The following SKI variants were observed in gnomAD, a reference collection of about 807,000 sequenced individuals.
The protein encoded by SKI is SKI proto-oncogene.
Under a neutral mutation model 59.3 loss-of-function variants are expected in SKI, and 23 were observed. That is an observed-to-expected ratio of 0.39 (90% confidence interval 0.28 to 0.55). The LOEUF (loss-of-function observed/expected upper bound fraction) is 0.55, where lower values mean the gene tolerates loss of function less well. Ranked by LOEUF, SKI falls within the 20% of genes least tolerant of loss-of-function variation. SKI has a pLI of 0.67. For missense variants in SKI, 1,017 were observed against 1,038.9 expected, an observed-to-expected ratio of 0.98 and a Z score of 0.29; for synonymous variants, 673 against 488.6, an observed-to-expected ratio of 1.38 and a Z score of -4.98.
At chr1:2,275,385 G>T (rs370099995) in intron 1 of SKI, among the ~76,000 whole-genome samples, 1 of 152,256 alleles carries the variant, frequency 6.6e-6, no homozygotes, top group Non-Finnish European at 1.5e-5. Flanking sequence ...CAGCCTCTGG[G>T]GGCTTTTTAG....
intron 1 of SKI, among the ~76,000 whole-genome samples, chr1:2,272,729 T>C (rs1263883426): frequency 6.6e-6 from 1 of 152,162 alleles, no homozygotes; most frequent in Non-Finnish European, 1.5e-5. Flanking sequence ...GAGGCCTTAG[T>C]GTTCTGTCAA....
At chr1:2,304,231 TCC>T (rs1215681315) in intron 4 of SKI, 60 bp from the exon 5 acceptor site, 56 of 1,553,654 alleles carry the variant, frequency 3.6e-5, no homozygotes, top group Admixed American at 2.7e-4. Context: ...GCGGCGCGTC[TCC>T]CTGGTGTGGA....
rs1640657989 is a variant in SKI, at chr1:2,308,545, G to A, written c.*1780G>A. 1 of 152,198 alleles carries A rather than the reference G, an allele frequency of 6.6e-6. No individual in the cohort carries two copies. The highest frequency in any genetic ancestry group is 2.4e-5 in the African/African-American group (1 of 41,452). The allele number at this position is 152,198 out of a possible 1,614,324, so 9.4% of individuals were successfully genotyped here. A position where few individuals can be genotyped will look rare whatever the true frequency, so the allele number is the denominator to read the frequency against. ...GGGCATTATTACCGTGTCTTGTAAA[G>A]GGTCGGTTTTGTTATGCAACATGCA... On this transcript the variant is annotated 3_prime_UTR_variant, in exon 7 of 7. Coordinates refer to ENST00000378536, the MANE Select transcript of SKI (RefSeq NM_003036.4).
rs1275274839 is a variant in SKI, at chr1:2,231,946, CCCCTTAAGT to C, written c.969+2213_969+2221del. Among the ~76,000 whole-genome samples the C allele has an allele frequency of 3.3e-5, 5 of 152,210 alleles. No homozygotes were observed. The East Asian group carries it at 7.7e-4, about 23-fold the overall frequency. On this transcript the variant is annotated intron_variant, in intron 1 of 6. Transcript: ENST00000378536. ...ACTTGGGAGTTCTGGGCTTCAGGGT[CCCCTTAAGT>C]CTCCTCAGGACAGCCGTGTGCGTGT...
rs1005995516 is a variant in SKI, at chr1:2,250,823, G to A, written c.969+21088G>A. On this transcript the variant is annotated intron_variant, in intron 1 of 6. Coordinates refer to ENST00000378536, the MANE Select transcript of SKI (RefSeq NM_003036.4). ...CTGACTCTTCTCTTGGGCCTGCCTCGTTGCCCTAGGCAGCTGGCTGCGCGT... is the reference window on the plus strand; with the variant it reads ...CTGACTCTTCTCTTGGGCCTGCCTCATTGCCCTAGGCAGCTGGCTGCGCGT... Among the ~76,000 whole-genome samples the A allele has an allele frequency of 1.6e-4, 24 of 152,362 alleles. 1 individual carries two copies. The highest frequency in any genetic ancestry group is 4.1e-4 in the African/African-American group (17 of 41,584).
chr1:2,278,909 A>AC (rs1243116240), intron 1 of SKI, among the ~76,000 whole-genome samples: 13 of 151,326 alleles, frequency 8.6e-5, no homozygotes, highest in Admixed American at 2.6e-4. Flanking sequence ...GTGCTTGCGC[A>AC]CCCCCCCATC....
At chr1:2,305,350 C>T (rs951849099) in intron 5 of SKI, among the ~76,000 whole-genome samples, 8 of 152,200 alleles carry the variant, frequency 5.3e-5, no homozygotes, top group African/African-American at 1.4e-4. Flanking sequence ...CACACCTCGG[C>T]GGCGTCTGGC....
At chr1:2,253,692 A>T (rs1416810807) in intron 1 of SKI, among the ~76,000 whole-genome samples, 1 of 152,136 alleles carries the variant, frequency 6.6e-6, no homozygotes, top group African/African-American at 2.4e-5. Flanking sequence ...GAGCAGATGG[A>T]GGATGGAGCT....
chr1:2,260,511 C>CCAAT (rs1193735847), intron 1 of SKI, among the ~76,000 whole-genome samples: 3 of 131,990 alleles, frequency 2.3e-5, no homozygotes, highest in African/African-American at 9.0e-5. Flanking sequence ...TTTATGGGAT[C>CCAAT]CAATTTTTCA....
chr1:2,263,149 C>T (rs1241257907), intron 1 of SKI, among the ~76,000 whole-genome samples: 5 of 152,074 alleles, frequency 3.3e-5, no homozygotes, highest in Non-Finnish European at 5.9e-5. Flanking sequence ...GATCTGTCTG[C>T]CTCGGCCTCC....
chr1:2,254,758 G>C (rs2100829019), intron 1 of SKI, among the ~76,000 whole-genome samples: 1 of 152,246 alleles, frequency 6.6e-6, no homozygotes, highest in Middle Eastern at 3.4e-3. Flanking sequence ...GTGATGCGCA[G>C]GGCATTTGCT....
Position 2,303,660 on chromosome 1 carries a change from C to A in SKI, c.1212-180C>A. ...TGTGTTGGCCTGTGTCTGGCCTTCG[C>A]AAGAGACCCAGCAAGCAGAAAACGC... On this transcript the variant is annotated intron_variant, in intron 3 of 6. Coordinates refer to ENST00000378536, the MANE Select transcript of SKI (RefSeq NM_003036.4). The surrounding 1 kb of genome is among the most constrained non-coding windows in gnomAD (Gnocchi z 5.6). 1 of 888,474 alleles carries A rather than the reference C, an allele frequency of 1.1e-6. No homozygotes were observed. The highest frequency in any genetic ancestry group is 2.3e-5 in the Admixed American group (1 of 43,558). The allele number at this position is 888,474 out of a possible 1,614,324, so 55.0% of individuals were successfully genotyped here.
intron 1 of SKI, among the ~76,000 whole-genome samples, chr1:2,247,144 G>C (rs1292829471): frequency 6.6e-6 from 1 of 152,228 alleles, no homozygotes; most frequent in Non-Finnish European, 1.5e-5. Context: ...ACTTGAACCT[G>C]GGAGTCGGAG....
chr1:2,249,575 A>G (rs1329457636), intron 1 of SKI, among the ~76,000 whole-genome samples: 1 of 152,206 alleles, frequency 6.6e-6, no homozygotes, highest in Non-Finnish European at 1.5e-5. Context: ...GTTTCTGGAA[A>G]TGAGAGCAAG....
chr1:2,242,559 A>G (rs925262157), intron 1 of SKI, among the ~76,000 whole-genome samples: 1 of 152,164 alleles, frequency 6.6e-6, no homozygotes, highest in African/African-American at 2.4e-5. Flanking sequence ...TCGCTCTGTC[A>G]TCTGTGTTGG....
Position 2,268,262 on chromosome 1 carries a change from A to G in SKI, c.970-34716A>G, listed in dbSNP as rs1314797584. Among the ~76,000 whole-genome samples the G allele has an allele frequency of 6.6e-6, 1 of 151,956 alleles. No homozygotes were observed. The highest frequency in any genetic ancestry group is 1.5e-5 in the Non-Finnish European group (1 of 67,956). On this transcript the variant is annotated intron_variant, in intron 1 of 6. Coordinates refer to ENST00000378536, the MANE Select transcript of SKI (RefSeq NM_003036.4). The surrounding 1 kb of genome is among the most constrained non-coding windows in gnomAD (Gnocchi z 5.0). ...CTACTGTGTGCTTTCTTGCCCCTCC[A>G]GTGCCTCCCAGGGGGCTGTGTAGCC...
chr1:2,229,642 G>C lies in SKI; in HGVS notation c.876G>C (p.Thr292=), dbSNP rs746196973. 3 of 1,612,306 alleles carry C rather than the reference G, an allele frequency of 1.9e-6. No individual in the cohort carries two copies. The South Asian group carries it at 3.3e-5, about 18-fold the overall frequency. The change falls in exon 1 of 7, where the codon ACG becomes ACC. Residue 292 remains threonine, a synonymous_variant. Transcript: ENST00000378536. The surrounding 1 kb of genome is among the most constrained non-coding windows in gnomAD (Gnocchi z 6.3). ...RAYILLSQDY[T]GKEEQARLGR... Reference sequence around the variant, plus strand: ...ACATCCTGCTGAGCCAGGATTACACGGGCAAGGAGGAGCAGGCGCGCCTCG... The same window carrying C: ...ACATCCTGCTGAGCCAGGATTACACCGGCAAGGAGGAGCAGGCGCGCCTCG...
rs772492945 is a variant in SKI at position 2,304,500 on chromosome 1, A to G, written c.1682A>G (p.Lys561Arg). ...GGLDTKEAKE[K>R]FLHEVVKMRV... ...CTGGACACCAAGGAAGCCAAAGAGAAGTTCCTGCATGAGGTGGTCAAGATG... is the reference window on the plus strand; with the variant it reads ...CTGGACACCAAGGAAGCCAAAGAGAGGTTCCTGCATGAGGTGGTCAAGATG... The change falls in exon 5 of 7, where the codon AAG becomes AGG. Residue 561 changes from lysine (K) to arginine (R), a missense_variant. Coordinates refer to ENST00000378536, the MANE Select transcript of SKI (RefSeq NM_003036.4). 5.1e-6 allele frequency: 8 copies of G among 1,581,954 alleles called. No individual in the cohort carries two copies. Among genetic ancestry groups the G allele is most frequent in the Non-Finnish European group, 6.9e-6 (8 of 1,165,448 alleles).
chr1:2,288,296 A>G (rs1640088849), intron 1 of SKI, among the ~76,000 whole-genome samples: 1 of 151,212 alleles, frequency 6.6e-6, no homozygotes, highest in African/African-American at 2.4e-5. Flanking sequence ...TAATTTTTGT[A>G]TTTTTAGTAG....
Sources: allele counts gnomAD v4.1 joint callset (sites outside exome capture counted in the v4.1 genomes callset), GRCh38; gene constraint gnomAD v4.1.1; non-coding constraint Gnocchi (gnomAD v3.1); transcripts MANE v1.5; gene names NCBI Gene and HGNC (gene_info 2026-07-23, HGNC 2026-07-21).